The following PTPRT variants were observed in gnomAD, a reference collection of about 807,000 sequenced individuals.
The protein encoded by PTPRT is receptor-type tyrosine-protein phosphatase T.
A neutral mutation model predicts 176.8 loss-of-function variants in PTPRT; 56 were observed. The observed-to-expected ratio is 0.32, with a 90% CI of 0.26 to 0.40. The LOEUF (loss-of-function observed/expected upper bound fraction) is 0.40. PTPRT is among the 10% of genes least tolerant of loss of function. The pLI, the probability that PTPRT is intolerant of heterozygous loss-of-function variation, is 1.00. For synonymous variants in PTPRT, 783 were observed against 739.0 expected (o/e 1.06, Z -0.96); for missense variants, 1,540 against 1,908.2 (o/e 0.81, Z 3.60).
intron 1 of PTPRT, among the ~76,000 whole-genome samples, chr20:43,056,288 C>T (rs1329724314): frequency 4.6e-5 from 7 of 152,168 alleles, no homozygotes; most frequent in Admixed American, 2.0e-4. Flanking sequence ...ATCTTCGCAT[C>T]CTTCCACCCA....
At chr20:42,402,815 T>G (rs1261268280) in intron 9 of PTPRT, among the ~76,000 whole-genome samples, 5 of 151,584 alleles carry the variant, frequency 3.3e-5, no homozygotes, top group African/African-American at 4.8e-5. Flanking sequence ...TTTGGGGGTG[T>G]GTGTGTGTGC....
chr20:42,451,271 A>C (rs1214231850), intron 8 of PTPRT, among the ~76,000 whole-genome samples: 1 of 152,162 alleles, frequency 6.6e-6, no homozygotes, highest in Non-Finnish European at 1.5e-5. Context: ...GGAGAACTGC[A>C]ACCCTTTTGT....
intron 9 of PTPRT, among the ~76,000 whole-genome samples, chr20:42,378,592 C>T (rs530602145): frequency 6.6e-6 from 1 of 152,318 alleles, no homozygotes; most frequent in East Asian, 1.9e-4. Flanking sequence ...TGAGGCATAT[C>T]TCAGTGAGTA....
At chr20:42,769,272 T>C (rs926974201) in intron 5 of PTPRT, among the ~76,000 whole-genome samples, 3 of 152,154 alleles carry the variant, frequency 2.0e-5, no homozygotes, top group Admixed American at 1.3e-4. Flanking sequence ...AGGATTTTTC[T>C]AACCACAGGA....
At chr20:42,113,740 CT>C (rs756690876) in intron 22 of PTPRT, among the ~76,000 whole-genome samples, 5 of 152,202 alleles carry the variant, frequency 3.3e-5, no homozygotes, top group Non-Finnish European at 7.3e-5. Flanking sequence ...GAGAGCTCCC[CT>C]GATATACCTC....
At chr20:42,333,662 A>G (rs1393744333) in intron 11 of PTPRT, among the ~76,000 whole-genome samples, 3 of 151,746 alleles carry the variant, frequency 2.0e-5, no homozygotes, top group African/African-American at 7.3e-5. Flanking sequence ...ATGAATTTAA[A>G]TATTTGTTAA....
intron 6 of PTPRT, among the ~76,000 whole-genome samples, chr20:42,698,889 ATAAATGG>A (rs1296530866): frequency 6.6e-6 from 1 of 152,208 alleles, no homozygotes; most frequent in African/African-American, 2.4e-5. Flanking sequence ...GAACGAACAA[ATAAATGG>A]CCCTTCTTAT....
chr20:43,086,903 A>C (rs1263061631), intron 1 of PTPRT, among the ~76,000 whole-genome samples: 1 of 152,178 alleles, frequency 6.6e-6, no homozygotes, highest in Admixed American at 6.5e-5. Context: ...TTTTATTTTA[A>C]TTTATTCTGG....
intron 1 of PTPRT, among the ~76,000 whole-genome samples, chr20:42,915,598 TTATC>T (rs1019453927): frequency 1.1e-4 from 17 of 152,214 alleles, no homozygotes; most frequent in African/African-American, 3.1e-4. Flanking sequence ...AGTTGATTGG[TTATC>T]TATCTATCTA....
intron 7 of PTPRT, among the ~76,000 whole-genome samples, chr20:42,591,972 ATTC>A (rs2073583300): frequency 1.7e-5 from 2 of 121,212 alleles, no homozygotes; most frequent in African/African-American, 6.5e-5. Context: ...TTTGCTGGAG[ATTC>A]TTTTTTTTTT....
chr20:42,775,466 A>G (rs2077122310), intron 4 of PTPRT, among the ~76,000 whole-genome samples: 1 of 152,244 alleles, frequency 6.6e-6, no homozygotes, highest in African/African-American at 2.4e-5. Context: ...ACTGACATTT[A>G]TCTTACACAG....
chr20:42,676,076 C>T (rs1016356359), intron 7 of PTPRT, among the ~76,000 whole-genome samples: 7 of 152,196 alleles, frequency 4.6e-5, no homozygotes, highest in African/African-American at 1.7e-4. Context: ...TTAACAATGT[C>T]ATCTTCATTG....
intron 7 of PTPRT, among the ~76,000 whole-genome samples, chr20:42,562,051 T>C (rs1045627567): frequency 6.6e-6 from 1 of 152,014 alleles, no homozygotes. Context: ...CCTCACCTTC[T>C]GGGTTTCAGT....
intron 1 of PTPRT, among the ~76,000 whole-genome samples, chr20:43,026,644 T>G (rs1212932657): frequency 1.3e-5 from 2 of 152,320 alleles, no homozygotes; most frequent in East Asian, 3.9e-4. Context: ...ATTAAATTAT[T>G]GGCTGTAGTC....
chr20:42,044,438 G>A, the PTPRT span, among the ~76,000 whole-genome samples: 2 of 152,194 alleles, frequency 1.3e-5, no homozygotes, highest in Non-Finnish European at 2.9e-5. Flanking sequence ...CCAATCGAGA[G>A]GACTCATGCT....
intron 2 of PTPRT, among the ~76,000 whole-genome samples, chr20:42,818,116 C>A (rs1337018344): frequency 6.6e-6 from 1 of 152,160 alleles, no homozygotes; most frequent in Admixed American, 6.5e-5. Flanking sequence ...AGCAACCCTA[C>A]TGGCATCAGT....
intron 7 of PTPRT, among the ~76,000 whole-genome samples, chr20:42,564,182 C>G (rs553058042): frequency 6.6e-6 from 1 of 152,192 alleles, no homozygotes; most frequent in Admixed American, 6.5e-5. Flanking sequence ...CAGCAACCGC[C>G]TAGTCTCCTT....
At chr20:42,275,573 A>T (rs931921876) in intron 13 of PTPRT, among the ~76,000 whole-genome samples, 4 of 152,126 alleles carry the variant, frequency 2.6e-5, no homozygotes, top group African/African-American at 9.7e-5. Context: ...GAAGTGGGGT[A>T]TGGAAGGGGT....
intron 1 of PTPRT, among the ~76,000 whole-genome samples, chr20:43,130,188 C>T (rs2867650): frequency 0.99 from 150,102 of 152,356 alleles, 73,981 homozygotes; most frequent in Middle Eastern, 1. Flanking sequence ...AAAACACAAC[C>T]GTCATTCAGA....
Sources: gnomAD v4.1 joint callset for allele counts (sites outside exome capture counted in the v4.1 genomes callset) on GRCh38, gnomAD v4.1.1 for gene constraint, MANE v1.5 for transcripts, NCBI Gene and HGNC (gene_info 2026-07-23, HGNC 2026-07-21) for gene names.